RSPO4: variants seen among roughly 807,000 people sequenced by gnomAD.
RSPO4 encodes R-spondin-4.
In RSPO4, 23 loss-of-function variants were observed where a neutral mutation model predicts 24.8. That is an observed-to-expected ratio of 0.93 (90% CI 0.67 to 1.31). The LOEUF (loss-of-function observed/expected upper bound fraction) is 1.31. Ranked by LOEUF, RSPO4 falls within the 40% of genes most tolerant of loss-of-function variation. The pLI is 0.00. For synonymous variants in RSPO4, 141 were observed against 127.4 expected (o/e 1.11, Z -0.72); for missense variants, 333 against 316.5 (o/e 1.05, Z -0.39).
rs1179595108 is a variant in RSPO4, at chr20:989,217, A to G, written c.79+12869T>C. Among the ~76,000 whole-genome samples, 3 of 152,122 alleles carry G rather than the reference A, an allele frequency of 2.0e-5. No homozygotes were observed. In the East Asian group the frequency reaches 5.8e-4, roughly 29 times the overall value. On this transcript the variant is annotated intron_variant, in intron 1 of 4. Coordinates refer to ENST00000217260, the MANE Select transcript of RSPO4 (RefSeq NM_001029871.4). ...GTCCAGGCTCCCAGACTAACTGCCC[A>G]GCCCCTGGAAGTAGAGAGATGGGAG...
At chr20:982,597 A>G (rs1250585272) in intron 1 of RSPO4, among the ~76,000 whole-genome samples, 1 of 152,116 alleles carries the variant, frequency 6.6e-6, no homozygotes, top group South Asian at 2.1e-4. Context: ...ATGTCTCCTC[A>G]GGGCTGCAAA....
chr20:978,062 A>C (rs1046956337), intron 1 of RSPO4, among the ~76,000 whole-genome samples: 12 of 151,908 alleles, frequency 7.9e-5, no homozygotes, highest in Non-Finnish European at 1.6e-4. Context: ...CCTGGAGATG[A>C]CTCCCAGCTT....
At chr20:996,877 G>A (rs1181216046) in intron 1 of RSPO4, among the ~76,000 whole-genome samples, 2 of 152,162 alleles carry the variant, frequency 1.3e-5, no homozygotes, top group Non-Finnish European at 2.9e-5. Flanking sequence ...TCATCCTGCA[G>A]AGGTCCTCAC....
At chr20:991,547 T>C (rs555880533) in intron 1 of RSPO4, among the ~76,000 whole-genome samples, 1 of 151,790 alleles carries the variant, frequency 6.6e-6, no homozygotes, top group South Asian at 2.1e-4. Context: ...AAAAATAAAA[T>C]GTTTAAAAAG....
chr20:981,057 A>G lies in RSPO4; in HGVS notation c.80-12919T>C, dbSNP rs966594924. ...AAGCGAGGCGGGAGATGCTGTTATC[A>G]TTCCTCATTTTACGGTTCAGGAAGT... On this transcript the variant is annotated intron_variant, in intron 1 of 4. Transcript: ENST00000217260. This position sits in a 1 kb window ranked among gnomAD's most constrained non-coding sequence, Gnocchi z 4.6. Among the ~76,000 whole-genome samples, 2 of 152,220 alleles carry G rather than the reference A, an allele frequency of 1.3e-5. No individual in the cohort carries two copies. Among genetic ancestry groups the G allele is most frequent in the African/African-American group, 4.8e-5 (2 of 41,450 alleles).
rs1985484800 is a variant in RSPO4 at position 1,002,067 on chromosome 20, GC to G, written c.79+18del. Reference sequence around the variant, plus strand: ...CCCGCAGCGCCTGCCCGGCCGCCCTGCCCAGCCACCCCTTGTACCTTGCTTC... The same window carrying G: ...CCCGCAGCGCCTGCCCGGCCGCCCTGCCAGCCACCCCTTGTACCTTGCTTC... On this transcript the variant is annotated intron_variant, in intron 1 of 4. Coordinates refer to ENST00000217260, the MANE Select transcript of RSPO4 (RefSeq NM_001029871.4). The surrounding 1 kb of genome is among the most constrained non-coding windows in gnomAD (Gnocchi z 4.6). 6.5e-7 allele frequency: 1 copy of G among 1,546,120 alleles called. No homozygotes were observed.
chr20:984,854 T>C lies in RSPO4; in HGVS notation c.80-16716A>G, dbSNP rs975736087. Among the ~76,000 whole-genome samples, 27 of 152,136 alleles carry C rather than the reference T, an allele frequency of 1.8e-4. 1 individual carries two copies. The highest frequency in any genetic ancestry group is 6.3e-4 in the African/African-American group (26 of 41,502). On this transcript the variant is annotated intron_variant, in intron 1 of 4. Coordinates refer to ENST00000217260, the MANE Select transcript of RSPO4 (RefSeq NM_001029871.4). Reference sequence around the variant, plus strand: ...GGCCCACTGTTCACCCATCCATCCATCCATCCACCCACCCACCTACCCATC... The same window carrying C: ...GGCCCACTGTTCACCCATCCATCCACCCATCCACCCACCCACCTACCCATC...
rs112478807 is a variant in RSPO4, at chr20:999,866, T to TTTGTTG, written c.79+2214_79+2219dup. On this transcript the variant is annotated intron_variant, in intron 1 of 4. Transcript: ENST00000217260. ...TTAAAGTCTTCTAAACCAGCTCCTT[T>TTTGTTG]TTGTTGTTGTTGTTGTTGTTGAGAC... 3.9e-5 allele frequency among the ~76,000 whole-genome samples: 6 copies of TTTGTTG among 152,092 alleles called. No individual in the cohort carries two copies. In the East Asian group the frequency reaches 5.8e-4, roughly 15 times the overall value.
chr20:987,035 G>C (rs1984944382), intron 1 of RSPO4, among the ~76,000 whole-genome samples: 1 of 152,216 alleles, frequency 6.6e-6, no homozygotes. Flanking sequence ...TCTGTAGCCT[G>C]AGGTAGTAAC....
At chr20:985,579 G>T (rs751840785) in intron 1 of RSPO4, among the ~76,000 whole-genome samples, 1 of 152,242 alleles carries the variant, frequency 6.6e-6, no homozygotes, top group African/African-American at 2.4e-5. Flanking sequence ...TTTATTGGAT[G>T]TAAGAATGAA....
At chr20:968,418 G>A (rs1455880560) in intron 1 of RSPO4, among the ~76,000 whole-genome samples, 1 of 152,250 alleles carries the variant, frequency 6.6e-6, no homozygotes. Context: ...CTGTTGGGTG[G>A]AATGTGAACG....
chr20:994,323 A>G (rs1357147318), intron 1 of RSPO4, among the ~76,000 whole-genome samples: 1 of 152,158 alleles, frequency 6.6e-6, no homozygotes, highest in Admixed American at 6.5e-5. Context: ...CTATGTCCTG[A>G]TGGTGCCTAT....
At chr20:974,338 A>C (rs57078075) in intron 1 of RSPO4, among the ~76,000 whole-genome samples, 3,058 of 152,282 alleles carry the variant, frequency 0.02, 93 homozygotes, top group African/African-American at 0.069. Flanking sequence ...CTCTTCCAGG[A>C]TGGGCCAATT....
intron 1 of RSPO4, among the ~76,000 whole-genome samples, chr20:969,238 C>T (rs190656838): frequency 2.0e-4 from 30 of 152,326 alleles, no homozygotes; most frequent in Middle Eastern, 3.4e-3. Context: ...ATCGCCTGAG[C>T]GGGGAAGGCT....
chr20:991,023 A>C (rs1231123022), intron 1 of RSPO4, among the ~76,000 whole-genome samples: 3 of 152,230 alleles, frequency 2.0e-5, no homozygotes, highest in Admixed American at 1.3e-4. Context: ...CTGCAGCAGC[A>C]CTAACACTTG....
intron 3 of RSPO4, among the ~76,000 whole-genome samples, chr20:965,904 T>C (rs147039144): frequency 6.6e-6 from 1 of 152,340 alleles, no homozygotes; most frequent in Non-Finnish European, 1.5e-5. Flanking sequence ...GCAGATGCTC[T>C]AGTAGATATT....
intron 2 of RSPO4, among the ~76,000 whole-genome samples, 184 bp from the exon 3 acceptor site, chr20:967,498 C>CTT (rs1465051339): frequency 6.6e-6 from 1 of 152,244 alleles, no homozygotes; most frequent in South Asian, 2.1e-4. Flanking sequence ...GAAGAGAACA[C>CTT]TCCCTTTCTC....
rs1306159511 is a variant in RSPO4, at chr20:967,997, G to T, written c.221C>A (p.Pro74His). 6.2e-7 allele frequency: 1 copy of T among 1,614,122 alleles called. No individual in the cohort carries two copies. Among genetic ancestry groups the T allele is most frequent in the African/African-American group, 1.3e-5 (1 of 74,944 alleles). ...GCCGCGGATGCCGAAGTACCCAGGG[G>T]GACAGTCGTGCAGGCACTTGCCGTA... ...RQYGKCLHDC[P>H]PGYFGIRGQE... Residue 74 changes from proline to histidine, a missense_variant, in exon 2 of 5, where the codon CCC (proline) becomes CAC (histidine). By Grantham distance (77) the Pro-to-His change is moderately conservative. Transcript: ENST00000217260.
intron 1 of RSPO4, among the ~76,000 whole-genome samples, chr20:971,742 AG>A (rs934585628): frequency 2.6e-5 from 4 of 152,260 alleles, no homozygotes; most frequent in Admixed American, 2.6e-4. Context: ...CACTGAATTC[AG>A]GATCATGGCA....
Sources: allele counts gnomAD v4.1 joint callset (sites outside exome capture counted in the v4.1 genomes callset), GRCh38; gene constraint gnomAD v4.1.1; non-coding constraint Gnocchi (gnomAD v3.1); transcripts MANE v1.5; gene names NCBI Gene and HGNC (gene_info 2026-07-23, HGNC 2026-07-21).